Variants in RAB30 observed in about 807,000 individuals in gnomAD.
RAB30 encodes the protein ras-related protein Rab-30.
Under a neutral mutation model 25.1 loss-of-function variants are expected in RAB30, and 9 were observed. The ratio of observed to expected loss-of-function variants is 0.36; its 90% confidence interval spans 0.22 to 0.63. The LOEUF is 0.63. Ranked by LOEUF, RAB30 falls within the 20% of genes least tolerant of loss-of-function variation. The pLI is 0.69. For synonymous variants in RAB30, 77 were observed against 86.4 expected (o/e 0.89, Z 0.60); for missense variants, 140 against 243.5 (o/e 0.58, Z 2.83).
chr11:82,995,623 CAAAT>C (rs1305505360), intron 2 of RAB30, among the ~76,000 whole-genome samples: 4 of 152,042 alleles, frequency 2.6e-5, no homozygotes, highest in Non-Finnish European at 4.4e-5. Context: ...ACATAAAAGA[CAAAT>C]AAGAAAGAAG....
At chr11:83,045,394 G>T (rs949089252) in intron 1 of RAB30, among the ~76,000 whole-genome samples, 2 of 152,016 alleles carry the variant, frequency 1.3e-5, no homozygotes, top group Non-Finnish European at 2.9e-5. Flanking sequence ...ACCTCCCAAA[G>T]TGCTAGCATT....
chr11:82,978,473 G>A lies in RAB30; in HGVS notation c.*3692C>T, dbSNP rs955078912. The A allele has an allele frequency of 9.4e-5, 14 of 148,780 alleles. No homozygotes were observed. Among genetic ancestry groups the A allele is most frequent in the African/African-American group, 3.2e-4 (13 of 40,574 alleles). 9.2% of individuals were successfully genotyped at this position (148,780 alleles called of 1,614,324 possible). A position where few individuals can be genotyped will look rare whatever the true frequency, so the allele number is the denominator to read the frequency against. ...CTTTAGTTGCTGGCTTAGTGGAGAA[G>A]GCCATTGGTTTGATATGCAAAAAAA... On this transcript the variant is annotated 3_prime_UTR_variant, in exon 5 of 5. Transcript: ENST00000527633.
At chr11:82,982,512 C>T in intron 4 of RAB30, 97 bp from the exon 5 acceptor site, 1 of 1,288,668 alleles carries the variant, frequency 7.8e-7, no homozygotes, top group Admixed American at 2.1e-5. Flanking sequence ...TCAAGCCAGA[C>T]AGATGGGCGA....
rs1425720652 is a variant in RAB30, at chr11:82,987,784, A to C, written c.178-14T>G. 1 of 1,569,210 alleles carries C rather than the reference A, an allele frequency of 6.4e-7. No individual in the cohort carries two copies. Among genetic ancestry groups the C allele is most frequent in the East Asian group, 2.3e-5 (1 of 44,004 alleles). On this transcript the variant is annotated splice_polypyrimidine_tract_variant and intron_variant, in intron 3 of 4. Coordinates refer to ENST00000527633, the MANE Select transcript of RAB30 (RefSeq NM_001286060.2). ...CCAGATCTGTAGCTGTAAAGGCATA[A>C]GATAAGAATCAGGTGAAGAAGGATC...
chr11:83,010,314 G>A (rs1423863490), intron 1 of RAB30, among the ~76,000 whole-genome samples: 1 of 152,066 alleles, frequency 6.6e-6, no homozygotes, highest in South Asian at 2.1e-4. Context: ...AGCCAGGTGT[G>A]GTGTCATATG....
intron 1 of RAB30, among the ~76,000 whole-genome samples, chr11:83,023,279 T>A (rs923107183): frequency 6.6e-6 from 1 of 152,180 alleles, no homozygotes; most frequent in African/African-American, 2.4e-5. Flanking sequence ...AAATCTCATG[T>A]CACAATCTCC....
intron 1 of RAB30, among the ~76,000 whole-genome samples, chr11:83,023,660 C>T (rs1408430111): frequency 2.0e-5 from 3 of 152,194 alleles, no homozygotes; most frequent in Admixed American, 6.5e-5. Context: ...TGGCTCATTG[C>T]TCTTCTACTG....
chr11:82,997,137 A>G (rs1856976480), intron 2 of RAB30, 87 bp downstream of exon 2: 1 of 1,082,610 alleles, frequency 9.2e-7, no homozygotes, highest in East Asian at 2.4e-5. Context: ...GAAACTGGTC[A>G]TCCATCTCGA....
chr11:83,010,628 T>C (rs114088933), intron 1 of RAB30, among the ~76,000 whole-genome samples: 2,500 of 152,208 alleles, frequency 0.016, 85 homozygotes, highest in African/African-American at 0.058. Context: ...GGTACACATA[T>C]ATGAAGCCAG....
chr11:83,003,091 A>G (rs1160089158), intron 1 of RAB30, among the ~76,000 whole-genome samples: 8 of 152,226 alleles, frequency 5.3e-5, no homozygotes, highest in Non-Finnish European at 1.2e-4. Context: ...TTATGCTTCC[A>G]TATCAAAGAG....
intron 1 of RAB30, 178 bp from the exon 2 acceptor site, chr11:82,997,502 ACTTTATTCCTT>A: frequency 1.8e-6 from 1 of 569,004 alleles, no homozygotes; most frequent in Non-Finnish European, 3.1e-6. Flanking sequence ...TCACAGACGG[ACTTTATTCCTT>A]CTCAGCTACC....
rs1254294373 is a variant in RAB30 at position 82,979,222 on chromosome 11, C to G, written c.*2943G>C. On this transcript the variant is annotated 3_prime_UTR_variant, in exon 5 of 5. Coordinates refer to ENST00000527633, the MANE Select transcript of RAB30 (RefSeq NM_001286060.2). ...ATTTCATAGATTTTCCCAAGCCTGA[C>G]TCCATGACATGAGTATCATGCATTT... 1 of 152,124 alleles carries G rather than the reference C, an allele frequency of 6.6e-6. No homozygotes were observed. The highest frequency in any genetic ancestry group is 1.5e-5 in the Non-Finnish European group (1 of 68,022). 9.4% of individuals were successfully genotyped at this position (152,124 alleles called of 1,614,324 possible).
intron 1 of RAB30, among the ~76,000 whole-genome samples, chr11:83,061,398 A>T (rs888453156): frequency 3.3e-5 from 5 of 152,158 alleles, no homozygotes; most frequent in Non-Finnish European, 5.9e-5. Flanking sequence ...GATCAGAAAA[A>T]TTTTTTAAAA....
intron 1 of RAB30, among the ~76,000 whole-genome samples, chr11:83,019,053 G>A (rs937479481): frequency 1.3e-5 from 2 of 152,182 alleles, no homozygotes; most frequent in East Asian, 1.9e-4. Flanking sequence ...TTGAGACAGA[G>A]TCTCACTCCG....
chr11:83,040,608 A>AC (rs1858088543), intron 1 of RAB30, among the ~76,000 whole-genome samples: 1 of 152,140 alleles, frequency 6.6e-6, no homozygotes. Context: ...AAAAAAAAAA[A>AC]AATTGAATAA....
intron 1 of RAB30, among the ~76,000 whole-genome samples, chr11:83,049,342 C>T (rs1380210882): frequency 4.7e-5 from 7 of 149,968 alleles, no homozygotes; most frequent in East Asian, 2.0e-4. Context: ...ACCCGGGAGG[C>T]GGAGGTTGCA....
At chr11:83,011,785 C>G (rs1359126449) in intron 1 of RAB30, among the ~76,000 whole-genome samples, 1 of 152,168 alleles carries the variant, frequency 6.6e-6, no homozygotes, top group Non-Finnish European at 1.5e-5. Context: ...AGCTGGGCAG[C>G]AGCTGCTGTG....
chr11:83,001,886 T>A (rs1453197926), intron 1 of RAB30, among the ~76,000 whole-genome samples: 1 of 152,228 alleles, frequency 6.6e-6, no homozygotes, highest in Non-Finnish European at 1.5e-5. Context: ...TTAACATTGA[T>A]AACAGCTGGC....
intron 1 of RAB30, among the ~76,000 whole-genome samples, chr11:83,050,478 G>T (rs1187105824): frequency 6.6e-6 from 1 of 152,112 alleles, no homozygotes; most frequent in African/African-American, 2.4e-5. Flanking sequence ...GAGGAGAGGG[G>T]ATCGCTGAAA....
Sources: gnomAD v4.1 joint callset for allele counts (sites outside exome capture counted in the v4.1 genomes callset) on GRCh38, gnomAD v4.1.1 for gene constraint, MANE v1.5 for transcripts, NCBI Gene and HGNC (gene_info 2026-07-23, HGNC 2026-07-21) for gene names.